TJAP1: variants seen among roughly 807,000 people sequenced by gnomAD.
TJAP1 encodes the protein tight junction-associated protein 1.
TJAP1 carries 27 observed loss-of-function variants against 42.0 expected under a neutral mutation model. The ratio of observed to expected loss-of-function variants is 0.64; its 90% CI spans 0.47 to 0.89. The LOEUF (loss-of-function observed/expected upper bound fraction) is 0.89, where lower values mean the gene tolerates loss of function less well. Ranked by LOEUF, TJAP1 falls within the 40% of genes least tolerant of loss-of-function variation. The pLI is 0.00. For synonymous variants in TJAP1, 257 were observed against 288.4 expected (o/e 0.89, Z 1.10); for missense variants, 712 against 726.9 (o/e 0.98, Z 0.24).
At chr6:43,480,442 A>G (rs1174200708) in intron 2 of TJAP1, among the ~76,000 whole-genome samples, 1 of 152,236 alleles carries the variant, frequency 6.6e-6, no homozygotes, top group Non-Finnish European at 1.5e-5. Context: ...GATAATAATA[A>G]CAATAATGGT....
chr6:43,490,144 C>T (rs1787479167), intron 2 of TJAP1, among the ~76,000 whole-genome samples: 1 of 152,228 alleles, frequency 6.6e-6, no homozygotes, highest in Non-Finnish European at 1.5e-5. Flanking sequence ...ACGCCATCTC[C>T]TCTGCTCTCT....
intron 2 of TJAP1, among the ~76,000 whole-genome samples, chr6:43,481,715 C>G (rs778499850): frequency 6.6e-6 from 1 of 152,170 alleles, no homozygotes; most frequent in Non-Finnish European, 1.5e-5. Context: ...CAGTCTCTCC[C>G]TTTAGCCAGG....
chr6:43,500,978 G>C (rs1388021590), intron 5 of TJAP1: 3 of 611,236 alleles, frequency 4.9e-6, no homozygotes, highest in African/African-American at 1.9e-5. Flanking sequence ...GGCTTCAAGA[G>C]AGCGTAGAAT....
At chr6:43,502,165 G>T in intron 6 of TJAP1, 118 bp from the exon 7 acceptor site, 1 of 932,702 alleles carries the variant, frequency 1.1e-6, no homozygotes, top group South Asian at 1.5e-5. Flanking sequence ...ATTCCTATTA[G>T]AAAACTGAAG....
Position 43,502,633 on chromosome 6 carries a change from G to T in TJAP1, c.387+16G>T. The stretch of plus-strand genomic sequence containing the variant: ...GATTTTTGCAGTTGCGTCTGAGTTT[G>T]TGTGTCTTCTCCCTTGCCCTGGCCT... On this transcript the variant is annotated intron_variant, in intron 8 of 10. Coordinates refer to ENST00000372449, the Ensembl canonical transcript of TJAP1. 1.3e-6 allele frequency: 2 copies of T among 1,551,492 alleles called. No individual in the cohort carries two copies. Among genetic ancestry groups the T allele is most frequent in the South Asian group, 2.4e-5 (2 of 84,066 alleles).
exon 6 of TJAP1, chr6:43,501,535 G>C: frequency 1.2e-6 from 2 of 1,613,398 alleles, no homozygotes. Flanking sequence ...GGCTCTTACA[G>C]GAGGAGAATG....
rs763148664 is a variant in TJAP1 at position 43,505,073 on chromosome 6, A to C, written c.892A>C (p.Arg298=). Residue 298 remains arginine, a synonymous_variant, in exon 11 of 11, where the codon AGG becomes CGG. Coordinates refer to ENST00000372449, the Ensembl canonical transcript of TJAP1. This position sits in a 1 kb window ranked among gnomAD's most constrained non-coding sequence, Gnocchi z 5.5. ...GGAGTGCCACTCTCTGGGTACTGCC[A>C]GGGGCTCCCCGGAGGAAGAGCTGCC... 3 of 1,613,934 alleles carry C rather than the reference A, an allele frequency of 1.9e-6. No individual in the cohort carries two copies. The South Asian group carries it at 3.3e-5, about 18-fold the overall frequency.
At chr6:43,478,337 C>CT (rs1251289302) in intron 2 of TJAP1, 105 bp downstream of exon 2, 2 of 152,204 alleles carry the variant, frequency 1.3e-5, no homozygotes, top group Non-Finnish European at 1.5e-5. Context: ...AAAGGGCTCA[C>CT]TTTTATAGAG....
At chr6:43,504,831 C>T (rs759317180) in exon 11 of TJAP1, 1 of 1,614,234 alleles carries the variant, frequency 6.2e-7, no homozygotes, top group South Asian at 1.1e-5. Flanking sequence ...AGCCCAGGTC[C>T]TGCTCCCAGC....
At chr6:43,499,583 A>G (rs966531942) in intron 4 of TJAP1, among the ~76,000 whole-genome samples, 2 of 152,180 alleles carry the variant, frequency 1.3e-5, no homozygotes. Flanking sequence ...CATTTGTTGA[A>G]TATGTACTCC....
intron 3 of TJAP1, 136 bp downstream of exon 3, chr6:43,498,113 T>A (rs2127588314): frequency 6.6e-6 from 1 of 152,282 alleles, no homozygotes; most frequent in South Asian, 2.1e-4. Context: ...TGGTCATCAG[T>A]GGCTGAGGCC....
rs200157507 is a variant in TJAP1 at position 43,504,717 on chromosome 6, G to T, written c.580-44G>T. On this transcript the variant is annotated intron_variant, in intron 10 of 10. Transcript: ENST00000372449. ...TTTCGCCATGAGTCAAGTTATCTTT[G>T]GCTGCGATCATTGATGTCTCTCTTT... 5.2e-5 allele frequency: 83 copies of T among 1,585,034 alleles called. No homozygotes were observed. The African/African-American group carries it at 8.1e-4, about 15-fold the overall frequency.
exon 11 of TJAP1, chr6:43,504,762 T>G (rs1176074753): frequency 6.2e-7 from 1 of 1,608,798 alleles, no homozygotes. Flanking sequence ...TTACCTCAGC[T>G]GCCCTGTGAG....
At chr6:43,486,261 G>A (rs763090540) in intron 2 of TJAP1, among the ~76,000 whole-genome samples, 6 of 151,782 alleles carry the variant, frequency 4.0e-5, no homozygotes, top group Non-Finnish European at 7.4e-5. Context: ...CACCATGCTC[G>A]GCCAGACGGT....
chr6:43,486,723 G>A (rs1398822212), intron 2 of TJAP1, among the ~76,000 whole-genome samples: 2 of 152,080 alleles, frequency 1.3e-5, no homozygotes, highest in Admixed American at 6.6e-5. Flanking sequence ...CTGCTCCTTT[G>A]TAATTCTCTA....
At chr6:43,500,674 A>C (rs112695642) in intron 4 of TJAP1, 70 bp from the exon 5 acceptor site, 2 of 1,581,362 alleles carry the variant, frequency 1.3e-6, no homozygotes, top group Non-Finnish European at 1.7e-6. Flanking sequence ...TCTTGTGGCT[A>C]TTTGGAGGGT....
intron 2 of TJAP1, chr6:43,489,907 T>C (rs1439465240): frequency 1.3e-5 from 2 of 152,334 alleles, no homozygotes; most frequent in African/African-American, 4.8e-5. Flanking sequence ...AGCTCCGGAG[T>C]TGGGCTGCTC....
chr6:43,504,697 C>T (rs1791844565), intron 10 of TJAP1, 64 bp from the exon 11 acceptor site: 3 of 1,566,582 alleles, frequency 1.9e-6, no homozygotes, highest in South Asian at 2.4e-5. Flanking sequence ...ATTACTTTCG[C>T]CATGAGTCAA....
intron 2 of TJAP1, among the ~76,000 whole-genome samples, chr6:43,486,354 C>CTT (rs1160469279): frequency 3.2e-4 from 35 of 110,754 alleles, no homozygotes; most frequent in Non-Finnish European, 4.5e-4. Flanking sequence ...TTTCCAGTAG[C>CTT]TTTTTTTTTT....
Sources: gnomAD v4.1 joint callset for allele counts (sites outside exome capture counted in the v4.1 genomes callset) on GRCh38, gnomAD v4.1.1 for gene constraint, Gnocchi (gnomAD v3.1) non-coding constraint, MANE v1.5 for transcripts, NCBI Gene and HGNC (gene_info 2026-07-23, HGNC 2026-07-21) for gene names.